Variants in IFT140 observed in about 807,000 individuals in gnomAD.
The protein encoded by IFT140 is intraflagellar transport 140.
IFT140 carries 133 observed loss-of-function variants against 164.6 expected under a neutral mutation model. The ratio of observed to expected loss-of-function variants is 0.81; its 90% CI spans 0.70 to 0.93. The LOEUF (loss-of-function observed/expected upper bound fraction) is 0.93. Among genes scored for constraint, IFT140 ranks in the 40% least tolerant of loss-of-function variants. IFT140 has a pLI of 0.00. For missense variants in IFT140, 2,045 were observed against 1,972.3 expected, an observed-to-expected ratio of 1.04 and a Z score of -0.70; for synonymous variants, 860 against 817.3, an observed-to-expected ratio of 1.05 and a Z score of -0.89.
At chr16:1,607,575 C>A (rs1029347090) in intron 2 of IFT140, among the ~76,000 whole-genome samples, 3 of 152,316 alleles carry the variant, frequency 2.0e-5, no homozygotes, top group Middle Eastern at 3.4e-3. Context: ...AAAAGGCCTG[C>A]AGCCTAACTA....
Position 1,602,429 on chromosome 16 carries a change from C to A in IFT140, c.310G>T (p.Ala104Ser). ...CTCCAACGGAGCACGGTGATGTCGG[C>A]TGTGTGTGTCAGGGGCATCGTGTGC... ...EQHTMPLTHT[A>S]DITVLRWSPS... The change falls in exon 4 of 31, where the codon GCC becomes TCC. Residue 104 changes from alanine to serine, a missense_variant. By Grantham distance (99) the Ala-to-Ser change is moderately conservative. Transcript: ENST00000426508. 1 of 1,614,248 alleles carries A rather than the reference C, an allele frequency of 6.2e-7. No individual in the cohort carries two copies. The highest frequency in any genetic ancestry group is 1.1e-5 in the South Asian group (1 of 91,092).
Position 1,528,099 on chromosome 16 carries a change from C to T in IFT140, c.2400-1303G>A, listed in dbSNP as rs545989502. Among the ~76,000 whole-genome samples the T allele has an allele frequency of 7.2e-5, 11 of 152,252 alleles. No homozygotes were observed. In the South Asian group the frequency reaches 2.3e-3, roughly 32 times the overall value. On this transcript the variant is annotated intron_variant, in intron 19 of 30. Coordinates refer to ENST00000426508, the MANE Select transcript of IFT140 (RefSeq NM_014714.4). Reference sequence around the variant, plus strand: ...GGGCGGGAGGTGGGTCCAAGGCCATCCAGGGAGATCCCGCCCCAAGGGCCT... The same window carrying T: ...GGGCGGGAGGTGGGTCCAAGGCCATTCAGGGAGATCCCGCCCCAAGGGCCT...
At chr16:1,574,937 C>CT (rs1313424990) in intron 13 of IFT140, among the ~76,000 whole-genome samples, 2 of 152,226 alleles carry the variant, frequency 1.3e-5, no homozygotes, top group African/African-American at 4.8e-5. Flanking sequence ...CATGCATCTG[C>CT]ATCCTGAGGA....
chr16:1,512,245 G>C (rs2040191204), intron 30 of IFT140, among the ~76,000 whole-genome samples: 1 of 149,264 alleles, frequency 6.7e-6, no homozygotes, highest in African/African-American at 2.5e-5. Flanking sequence ...GTAGGTGGGT[G>C]AGGGGCGGTG....
At chr16:1,554,434 T>G (rs2032925701) in intron 19 of IFT140, among the ~76,000 whole-genome samples, 1 of 152,210 alleles carries the variant, frequency 6.6e-6, no homozygotes, top group African/African-American at 2.4e-5. Flanking sequence ...GCATCAGTGC[T>G]GACCTGAAGA....
intron 18 of IFT140, among the ~76,000 whole-genome samples, chr16:1,559,486 C>T (rs1313394730): frequency 6.6e-6 from 1 of 152,172 alleles, no homozygotes; most frequent in Admixed American, 6.5e-5. Flanking sequence ...TAGGCCGAGC[C>T]GTTTGAAAAT....
rs2035841648 is a variant in IFT140, at chr16:1,602,431, G to T, written c.308C>A (p.Thr103Lys). 2 of 1,614,240 alleles carry T rather than the reference G, an allele frequency of 1.2e-6. No individual in the cohort carries two copies. Among genetic ancestry groups the T allele is most frequent in the Non-Finnish European group, 1.7e-6 (2 of 1,180,038 alleles). The change falls in exon 4 of 31, where the codon ACA becomes AAA. Residue 103 changes from threonine (T) to lysine (K), a missense_variant. Physicochemically the swap from Thr to Lys is moderately conservative, Grantham distance 78 (BLOSUM62 -1). Transcript: ENST00000426508. ...KEQHTMPLTH[T>K]ADITVLRWSP... ...CCAACGGAGCACGGTGATGTCGGCT[G>T]TGTGTGTCAGGGGCATCGTGTGCTG...
intron 19 of IFT140, among the ~76,000 whole-genome samples, chr16:1,543,058 G>A (rs1005572334): frequency 5.3e-5 from 8 of 152,226 alleles, no homozygotes; most frequent in Non-Finnish European, 1.2e-4. Flanking sequence ...TGAAGACTGT[G>A]GGCATCTGGG....
chr16:1,526,368 G>A, intron 20 of IFT140: 1 of 589,776 alleles, frequency 1.7e-6, no homozygotes, highest in South Asian at 2.1e-5. Context: ...CTGACCTGGG[G>A]GTCTCTCGGG....
intron 15 of IFT140, 72 bp downstream of exon 15, chr16:1,568,145 A>C: frequency 9.4e-7 from 1 of 1,061,374 alleles, no homozygotes; most frequent in Non-Finnish European, 1.4e-6. Flanking sequence ...AGGCACGAGC[A>C]GGCAGGAGGC....
chr16:1,558,047 C>A lies in IFT140; in HGVS notation c.2287G>T (p.Val763Leu), dbSNP rs1385739366. The change falls in exon 19 of 31, where the codon GTG (valine) becomes TTG (leucine). Residue 763 changes from valine to leucine, a missense_variant. Physicochemically the swap from Val to Leu is conservative, Grantham distance 32. Transcript: ENST00000426508. ...MVSRRPLRDF[V>L]GLEDCDKATR... ...GCCTTGTCGCAGTCCTCCAGCCCCA[C>A]AAAGTCTCGCAGGGGTCTCCTGGAC... 31 of 1,613,966 alleles carry A rather than the reference C, an allele frequency of 1.9e-5. No individual in the cohort carries two copies. Among genetic ancestry groups the A allele is most frequent in the Non-Finnish European group, 2.6e-5 (31 of 1,180,042 alleles).
Position 1,607,129 on chromosome 16 carries a change from G to A in IFT140, c.138C>T (p.Tyr46=). 6.2e-7 allele frequency: 1 copy of A among 1,614,114 alleles called. No individual in the cohort carries two copies. The part of the protein sequence containing the change: ...STTSTGSVDI[Y]LEQGECVPDT... ...GCTTCTGAGCACTCACTTGCTCCAG[G>A]TAAATATCCACGCTGCCTGTTGAGG... The change falls in exon 3 of 31, where the codon TAC becomes TAT. Residue 46 remains tyrosine, a synonymous_variant. Coordinates refer to ENST00000426508, the MANE Select transcript of IFT140 (RefSeq NM_014714.4).
chr16:1,569,323 A>G (rs2033899372), intron 14 of IFT140, among the ~76,000 whole-genome samples: 1 of 151,858 alleles, frequency 6.6e-6, no homozygotes, highest in African/African-American at 2.4e-5. Context: ...ATTCTTTTCT[A>G]TGGGACACCT....
At chr16:1,583,590 G>T (rs997466076) in intron 11 of IFT140, among the ~76,000 whole-genome samples, 2 of 150,716 alleles carry the variant, frequency 1.3e-5, no homozygotes, top group Non-Finnish European at 3.0e-5. Context: ...GTTTTATTAT[G>T]ATTCTTTTCT....
rs1306623126 is a variant in IFT140 at position 1,516,171 on chromosome 16, A to C, written c.4182+2045T>G. Among the ~76,000 whole-genome samples the C allele has an allele frequency of 3.0e-3, 401 of 133,702 alleles. 42 individuals are homozygous for C. The highest frequency in any genetic ancestry group is 0.021 in the South Asian group (86 of 4,108). The allele number at this position is 133,702 out of a possible 152,430, so 87.7% of individuals were successfully genotyped here. On this transcript the variant is annotated intron_variant, in intron 30 of 30. Coordinates refer to ENST00000426508, the MANE Select transcript of IFT140 (RefSeq NM_014714.4). ...AAAAAAAAAAAAAAAAAAAAAAAAA[A>C]AAAAAAACACCAGAAATGGATGGTA... is the stretch of plus-strand genomic sequence containing the variant.
At chr16:1,554,054 G>A (rs947194074) in intron 19 of IFT140, 4 of 1,287,176 alleles carry the variant, frequency 3.1e-6, no homozygotes, top group Non-Finnish European at 4.0e-6. Context: ...GAAAGAGAGG[G>A]GAAAGCATGG....
At chr16:1,547,573 G>T (rs1386458106) in intron 19 of IFT140, among the ~76,000 whole-genome samples, 1 of 152,112 alleles carries the variant, frequency 6.6e-6, no homozygotes, top group African/African-American at 2.4e-5. Context: ...GTCTCACTCC[G>T]ATACCCAGCC....
intron 14 of IFT140, among the ~76,000 whole-genome samples, chr16:1,570,891 G>A (rs2033978324): frequency 6.6e-6 from 1 of 152,106 alleles, no homozygotes; most frequent in African/African-American, 2.4e-5. Flanking sequence ...AAGCAGGTGG[G>A]ACTACAGGTA....
chr16:1,603,479 G>A (rs1400715358), intron 3 of IFT140, among the ~76,000 whole-genome samples: 3 of 151,734 alleles, frequency 2.0e-5, no homozygotes, highest in Non-Finnish European at 2.9e-5. Flanking sequence ...TATGTGCTGC[G>A]TTTCCTCTTT....
Sources: allele counts gnomAD v4.1 joint callset (sites outside exome capture counted in the v4.1 genomes callset), GRCh38; gene constraint gnomAD v4.1.1; transcripts MANE v1.5; gene names NCBI Gene and HGNC (gene_info 2026-07-23, HGNC 2026-07-21).